Variants in TANC1 observed in about 807,000 individuals in gnomAD.
TANC1 encodes protein TANC1.
TANC1 carries 77 observed loss-of-function variants against 149.7 expected under a neutral mutation model. That is an observed-to-expected ratio of 0.51 (90% confidence interval 0.43 to 0.62). The LOEUF (loss-of-function observed/expected upper bound fraction) is 0.62, where lower values mean the gene tolerates loss of function less well. TANC1 is among the 20% of genes least tolerant of loss of function. The pLI, the probability that TANC1 is intolerant of heterozygous loss-of-function variation, is 0.00. For missense variants in TANC1, 1,985 were observed against 2,321.8 expected (o/e 0.85, Z 2.98); for synonymous variants, 854 against 925.0 (o/e 0.92, Z 1.39).
chr2:158,974,907 A>ATTTTTTT (rs3028258), intron 1 of TANC1, among the ~76,000 whole-genome samples: 84 of 103,290 alleles, frequency 8.1e-4, no homozygotes, highest in Non-Finnish European at 9.7e-4. Flanking sequence ...TAATTTTTGT[A>ATTTTTTT]TTTTTTTTTT....
intron 3 of TANC1, among the ~76,000 whole-genome samples, chr2:159,092,728 A>AGT (rs1004678575): frequency 1.3e-5 from 2 of 152,132 alleles, no homozygotes; most frequent in Non-Finnish European, 2.9e-5. Flanking sequence ...GAAGCAAAGG[A>AGT]GTGTGTGTGT....
In TANC1 at chr2:159,170,404, A is replaced by G. The variant is rs182871922; in HGVS notation, c.1070-120A>G. The G allele has an allele frequency of 7.4e-5, 66 of 892,028 alleles. No individual in the cohort carries two copies. In the African/African-American group the frequency reaches 1.0e-3, roughly 14 times the overall value. 55.3% of individuals were successfully genotyped at this position (892,028 alleles called of 1,614,324 possible). A position where few individuals can be genotyped will look rare whatever the true frequency, so the allele number is the denominator to read the frequency against. Reference sequence around the variant, plus strand: ...ATAGAACGAGATTGGAAATGCTTACAGACAGATCCTAGTGGGGGTAAAGCT... The same window carrying G: ...ATAGAACGAGATTGGAAATGCTTACGGACAGATCCTAGTGGGGGTAAAGCT... On this transcript the variant is annotated intron_variant, in intron 9 of 26. Transcript: ENST00000263635.
chr2:159,046,589 CTTTTTTTTTT>C (rs57208685), intron 2 of TANC1, among the ~76,000 whole-genome samples: 10,328 of 84,320 alleles, frequency 0.12, 395 homozygotes, highest in African/African-American at 0.13. Flanking sequence ...CTTTTCTTTA[CTTTTTTTTTT>C]TTTTTTTTTT....
chr2:159,011,227 T>A (rs993704830), intron 2 of TANC1, among the ~76,000 whole-genome samples: 9 of 152,290 alleles, frequency 5.9e-5, no homozygotes, highest in Admixed American at 2.0e-4. Context: ...CATTGTAAGG[T>A]TTACATGAAA....
Position 159,199,292 on chromosome 2 carries a change from T to C in TANC1, c.3244+239T>C, listed in dbSNP as rs142382641. Among the ~76,000 whole-genome samples the C allele has an allele frequency of 1.1e-3, 175 of 152,370 alleles. 1 individual carries two copies. Among genetic ancestry groups the C allele is most frequent in the African/African-American group, 3.9e-3 (161 of 41,586 alleles). On this transcript the variant is annotated intron_variant, in intron 19 of 26. Transcript: ENST00000263635. ...GATTATTTTGAATTAGACTAGCAGTTACGGTACATCTGATGAATGTCAGAT... is the reference window on the plus strand; with the variant it reads ...GATTATTTTGAATTAGACTAGCAGTCACGGTACATCTGATGAATGTCAGAT...
chr2:159,134,064 A>G (rs1186131347), intron 4 of TANC1, among the ~76,000 whole-genome samples: 2 of 152,216 alleles, frequency 1.3e-5, no homozygotes, highest in South Asian at 2.1e-4. Flanking sequence ...AGGATGGTCT[A>G]TCTGCATCAC....
At chr2:158,971,475 A>C (rs991513669) in intron 1 of TANC1, among the ~76,000 whole-genome samples, 5 of 152,168 alleles carry the variant, frequency 3.3e-5, no homozygotes, top group African/African-American at 1.2e-4. Flanking sequence ...AAGAGTGTTT[A>C]TATATTTGTG....
intron 6 of TANC1, 111 bp from the exon 7 acceptor site, chr2:159,150,257 TTA>T: frequency 1.2e-6 from 1 of 827,264 alleles, no homozygotes; most frequent in Non-Finnish European, 1.9e-6. Flanking sequence ...GATTTTTTTT[TTA>T]AAACTTCCGT....
At chr2:159,126,362 A>G (rs1307144580) in intron 4 of TANC1, among the ~76,000 whole-genome samples, 1 of 152,160 alleles carries the variant, frequency 6.6e-6, no homozygotes, top group Non-Finnish European at 1.5e-5. Flanking sequence ...CTTGAGCCTT[A>G]CATTTCTGAG....
At chr2:159,103,095 G>A (rs2046896272) in intron 4 of TANC1, among the ~76,000 whole-genome samples, 1 of 95,382 alleles carries the variant, frequency 1.0e-5, no homozygotes. Context: ...TTTTAATTAT[G>A]GTGAAATACA....
chr2:159,092,010 C>G (rs997038670), intron 3 of TANC1, among the ~76,000 whole-genome samples: 1 of 151,462 alleles, frequency 6.6e-6, no homozygotes, highest in African/African-American at 2.4e-5. Flanking sequence ...GGTTATACAA[C>G]CTTTAAGAAA....
At position 159,124,554 on chromosome 2, in the gene TANC1, G is replaced by A. The variant is rs969091924; in HGVS notation, c.260-11640G>A. ...GCAGTGGAGGGCTCACTTCCTCCTTGTGCAAACAACAGAAGAGCCCTGTGG... is the reference window on the plus strand; with the variant it reads ...GCAGTGGAGGGCTCACTTCCTCCTTATGCAAACAACAGAAGAGCCCTGTGG... On this transcript the variant is annotated intron_variant, in intron 4 of 26. Coordinates refer to ENST00000263635, the MANE Select transcript of TANC1 (RefSeq NM_033394.3). Among the ~76,000 whole-genome samples, 9 of 152,250 alleles carry A rather than the reference G, an allele frequency of 5.9e-5. No individual in the cohort carries two copies. In the East Asian group the frequency reaches 7.7e-4, roughly 13 times the overall value.
chr2:158,972,652 T>C (rs2033069402), intron 1 of TANC1, among the ~76,000 whole-genome samples: 1 of 152,210 alleles, frequency 6.6e-6, no homozygotes, highest in East Asian at 1.9e-4. Context: ...TCTTCAGCTT[T>C]TTAAACTTAT....
At chr2:159,180,669 G>T (rs778614220) in intron 14 of TANC1, among the ~76,000 whole-genome samples, 22 of 152,212 alleles carry the variant, frequency 1.4e-4, no homozygotes, top group South Asian at 2.1e-4. Flanking sequence ...GCGAGTTGTT[G>T]CCATTTTCCC....
intron 2 of TANC1, among the ~76,000 whole-genome samples, chr2:159,044,019 C>T (rs2040854914): frequency 6.6e-6 from 1 of 152,178 alleles, no homozygotes; most frequent in Non-Finnish European, 1.5e-5. Flanking sequence ...GTTGTCATCC[C>T]TCTTCTTCCC....
chr2:159,139,493 G>A lies in TANC1; in HGVS notation c.364+3195G>A, dbSNP rs573101104. Among the ~76,000 whole-genome samples the A allele has an allele frequency of 3.9e-5, 6 of 152,142 alleles. No individual in the cohort carries two copies. The East Asian group carries it at 5.8e-4, about 15-fold the overall frequency. ...TCATTTACCCACAAACAATATCTGC[G>A]TTAAGGGAAAAAAAACCTTCAGATA... On this transcript the variant is annotated intron_variant, in intron 5 of 26. Transcript: ENST00000263635.
At chr2:159,025,185 TTTCTTTTC>T (rs1214379176) in intron 2 of TANC1, among the ~76,000 whole-genome samples, 5 of 139,006 alleles carry the variant, frequency 3.6e-5, no homozygotes, top group African/African-American at 1.3e-4. Context: ...TTTCTTTTTC[TTTCTTTTC>T]TTTCTTTCTT....
At chr2:159,206,040 G>T (rs2058582212) in intron 19 of TANC1, among the ~76,000 whole-genome samples, 1 of 151,736 alleles carries the variant, frequency 6.6e-6, no homozygotes, top group South Asian at 2.1e-4. Context: ...TTCTAAGAAG[G>T]TTCAGTAAGA....
intron 4 of TANC1, among the ~76,000 whole-genome samples, chr2:159,126,693 T>C (rs991165742): frequency 6.6e-6 from 1 of 152,252 alleles, no homozygotes; most frequent in Non-Finnish European, 1.5e-5. Context: ...GTCTTCCAGA[T>C]TAAGACAATT....
Sources: gnomAD v4.1 joint callset for allele counts (sites outside exome capture counted in the v4.1 genomes callset) on GRCh38, gnomAD v4.1.1 for gene constraint, MANE v1.5 for transcripts, NCBI Gene and HGNC (gene_info 2026-07-23, HGNC 2026-07-21) for gene names.